Variants in FREM1 observed in about 807,000 individuals in gnomAD.
FREM1 encodes FRAS1 related extracellular matrix 1, also known as FRAS1-related extracellular matrix protein 1.
Under a neutral mutation model 210.1 loss-of-function variants are expected in FREM1, and 220 were observed. The observed-to-expected ratio is 1.05, with a 90% CI of 0.94 to 1.17. The LOEUF (loss-of-function observed/expected upper bound fraction) is 1.17, where lower values mean the gene tolerates loss of function less well. FREM1 is among the 50% of genes most tolerant of loss of function. The pLI, the probability that FREM1 is intolerant of heterozygous loss-of-function variation, is 0.00. For synonymous variants in FREM1, 1,189 were observed against 980.2 expected (o/e 1.21, Z -3.98); for missense variants, 3,454 against 2,675.5 (o/e 1.29, Z -6.42).
chr9:14,763,052 G>C (rs1233187293), intron 27 of FREM1, among the ~76,000 whole-genome samples: 1 of 152,164 alleles, frequency 6.6e-6, no homozygotes, highest in Non-Finnish European at 1.5e-5. Flanking sequence ...TGTCACCATT[G>C]AGTGACGCTC....
chr9:14,883,894 GGGCACCT>G (rs1161023914), intron 1 of FREM1, among the ~76,000 whole-genome samples: 1 of 152,188 alleles, frequency 6.6e-6, no homozygotes, highest in Non-Finnish European at 1.5e-5. Flanking sequence ...GAAGTAGAAA[GGGCACCT>G]GGCCATATTC....
chr9:14,830,196 C>A (rs1320833701), intron 10 of FREM1, among the ~76,000 whole-genome samples: 3 of 152,114 alleles, frequency 2.0e-5, no homozygotes, highest in Non-Finnish European at 4.4e-5. Flanking sequence ...GATTAAGAAC[C>A]CATTCCCACA....
chr9:14,795,564 A>G lies in FREM1; in HGVS notation c.3839+1934T>C, dbSNP rs551787763. On this transcript the variant is annotated intron_variant, in intron 21 of 36. Transcript: ENST00000380880. ...ACTTCCTATCCACAGGAGAGAAGGAAAGAGGAAGCACAGAAAAGGGAGGGT... is the reference window on the plus strand; with the variant it reads ...ACTTCCTATCCACAGGAGAGAAGGAGAGAGGAAGCACAGAAAAGGGAGGGT... 5.3e-5 allele frequency among the ~76,000 whole-genome samples: 8 copies of G among 152,314 alleles called. No individual in the cohort carries two copies. In the South Asian group the frequency reaches 1.7e-3, roughly 32 times the overall value.
chr9:14,741,093 T>A (rs1176481424), intron 35 of FREM1, among the ~76,000 whole-genome samples: 1 of 152,000 alleles, frequency 6.6e-6, no homozygotes, highest in African/African-American at 2.4e-5. Flanking sequence ...CAATTAAACA[T>A]AAAATTAAAT....
At chr9:14,789,446 T>C (rs1437278849) in intron 22 of FREM1, among the ~76,000 whole-genome samples, 2 of 152,208 alleles carry the variant, frequency 1.3e-5, no homozygotes, top group African/African-American at 4.8e-5. Context: ...GTAATCGAGC[T>C]CTTGGAAGGG....
chr9:14,779,023 G>T (rs959004731), intron 24 of FREM1, among the ~76,000 whole-genome samples: 1 of 151,912 alleles, frequency 6.6e-6, no homozygotes, highest in East Asian at 1.9e-4. Flanking sequence ...TATTTCTCAG[G>T]CAGAGCCTGA....
intron 8 of FREM1, among the ~76,000 whole-genome samples, chr9:14,843,241 T>A (rs563597810): frequency 4.5e-4 from 68 of 152,262 alleles, no homozygotes; most frequent in Non-Finnish European, 8.8e-4. Flanking sequence ...AAACCAGCCA[T>A]CCTCTAACAC....
At chr9:14,909,192 T>TA (rs146037746) in intron 1 of FREM1, among the ~76,000 whole-genome samples, 2,443 of 151,536 alleles carry the variant, frequency 0.016, 55 homozygotes, top group Admixed American at 0.065. Context: ...TGCAATAGTT[T>TA]AAAAAAAAAT....
At chr9:14,903,095 T>A (rs983794375) in intron 1 of FREM1, among the ~76,000 whole-genome samples, 2 of 152,246 alleles carry the variant, frequency 1.3e-5, no homozygotes, top group Admixed American at 6.5e-5. Context: ...GCAGCTTTTT[T>A]TGATTGTTCC....
Position 14,861,170 on chromosome 9 carries a change from T to C in FREM1, c.330-1686A>G, listed in dbSNP as rs548088005. Among the ~76,000 whole-genome samples the C allele has an allele frequency of 1.3e-3, 169 of 129,826 alleles. 4 individuals carry two copies. Among genetic ancestry groups the C allele is most frequent in the African/African-American group, 5.0e-3 (160 of 31,898 alleles). 85.2% of individuals were successfully genotyped at this position (129,826 alleles called of 152,430 possible). A position where few individuals can be genotyped will look rare whatever the true frequency, so the allele number is the denominator to read the frequency against. ...ACACATATATACGTATATACACATG[T>C]ATGTACATATATACACATATATACA... On this transcript the variant is annotated intron_variant, in intron 3 of 36. Transcript: ENST00000380880.
chr9:14,892,832 C>G (rs914141535), intron 1 of FREM1, among the ~76,000 whole-genome samples: 2 of 152,196 alleles, frequency 1.3e-5, no homozygotes, highest in African/African-American at 4.8e-5. Flanking sequence ...CCAGGCAATG[C>G]TTTTCTCTCT....
intron 21 of FREM1, among the ~76,000 whole-genome samples, chr9:14,793,415 T>G (rs1438901221): frequency 6.6e-6 from 1 of 152,210 alleles, no homozygotes; most frequent in Non-Finnish European, 1.5e-5. Context: ...CTGGGTAGTA[T>G]GTGTTCTTGT....
Position 14,747,409 on chromosome 9 carries a change from A to G in FREM1, c.5864T>C (p.Leu1955Ser), listed in dbSNP as rs549558249. The change falls in exon 33 of 37, where the codon TTG becomes TCG. Residue 1955 changes from leucine (L) to serine (S), a missense_variant. Leu to Ser is a moderately radical substitution (Grantham distance 145). Transcript: ENST00000380880. Reference protein sequence around the residue: ...IIYNYHGIVSLKLEDDSFPTH... With the variant: ...IIYNYHGIVSSKLEDDSFPTH... ...TGGGAAACTGTCATCCTCCAGTTTC[A>G]AGGAAACTATCCCATGATACTTGAG... The G allele has an allele frequency of 2.5e-6, 4 of 1,613,582 alleles. No homozygotes were observed. The highest frequency in any genetic ancestry group is 1.7e-5 in the Admixed American group (1 of 59,990).
intron 9 of FREM1, among the ~76,000 whole-genome samples, chr9:14,842,072 GTTAC>G (rs1241986816): frequency 2.0e-5 from 3 of 152,118 alleles, no homozygotes; most frequent in Non-Finnish European, 4.4e-5. Flanking sequence ...TAGTGTAATG[GTTAC>G]TTTGAGGCTC....
At chr9:14,878,050 C>T (rs1207592262) in intron 1 of FREM1, among the ~76,000 whole-genome samples, 1 of 152,234 alleles carries the variant, frequency 6.6e-6, no homozygotes, top group Non-Finnish European at 1.5e-5. Flanking sequence ...GATCTCCCTA[C>T]TTCTACTCCT....
intron 17 of FREM1, among the ~76,000 whole-genome samples, chr9:14,807,520 G>A (rs559067679): frequency 2.4e-4 from 37 of 152,122 alleles, no homozygotes; most frequent in African/African-American, 8.7e-4. Context: ...GTATATAAAT[G>A]GTCTCTCCGG....
intron 35 of FREM1, among the ~76,000 whole-genome samples, chr9:14,743,426 T>G (rs1293558673): frequency 6.6e-6 from 1 of 152,082 alleles, no homozygotes; most frequent in Non-Finnish European, 1.5e-5. Flanking sequence ...TATTATTTCA[T>G]AAAAAGTAGT....
chr9:14,768,008 T>C (rs373008086), intron 27 of FREM1, among the ~76,000 whole-genome samples: 3 of 152,202 alleles, frequency 2.0e-5, no homozygotes, highest in African/African-American at 7.2e-5. Flanking sequence ...ATAATTAAAT[T>C]AAGCAAATTT....
At chr9:14,887,229 A>G (rs1294670672) in intron 1 of FREM1, among the ~76,000 whole-genome samples, 1 of 152,218 alleles carries the variant, frequency 6.6e-6, no homozygotes, top group Non-Finnish European at 1.5e-5. Flanking sequence ...AGTCTTTATC[A>G]AGACTTCAGA....
Sources: allele counts gnomAD v4.1 joint callset (sites outside exome capture counted in the v4.1 genomes callset), GRCh38; gene constraint gnomAD v4.1.1; transcripts MANE v1.5; gene names NCBI Gene and HGNC (gene_info 2026-07-23, HGNC 2026-07-21).